ZNF207: variants seen among roughly 807,000 people sequenced by gnomAD.
ZNF207 encodes zinc finger protein 207, also known as BUB3-interacting and GLEBS motif-containing protein ZNF207.
Under a neutral mutation model 60.2 loss-of-function variants are expected in ZNF207, and 24 were observed. The observed-to-expected ratio is 0.40, with a 90% confidence interval of 0.29 to 0.56. ZNF207 has a LOEUF of 0.56. Among genes scored for constraint, ZNF207 ranks in the 20% least tolerant of loss-of-function variants. ZNF207 has a pLI of 0.49. For synonymous variants in ZNF207, 236 were observed against 194.7 expected, an observed-to-expected ratio of 1.21 and a Z score of -1.77; for missense variants, 452 against 636.6, an observed-to-expected ratio of 0.71 and a Z score of 3.12.
chr17:32,350,641 C>T (rs1016761777), intron 1 of ZNF207, among the ~76,000 whole-genome samples: 1 of 152,102 alleles, frequency 6.6e-6, no homozygotes, highest in Non-Finnish European at 1.5e-5. Context: ...CAGCCACCTT[C>T]CGTTGTTTTG....
Position 32,361,211 on chromosome 17 carries a change from G to A in ZNF207, c.551+244G>A, listed in dbSNP as rs541264367. ...CATCTACTTCAATTGCATTTACTGT[G>A]ATTAAAGTAGTTGGTTATTTATAGA... On this transcript the variant is annotated intron_variant, in intron 5 of 11. Coordinates refer to ENST00000394670, the MANE Select transcript of ZNF207 (RefSeq NM_001098507.2). 3.1e-3 allele frequency: 1,810 copies of A among 578,470 alleles called. 5 individuals carry two copies. Among genetic ancestry groups the A allele is most frequent in the Non-Finnish European group, 4.6e-3 (1,519 of 332,216 alleles). The allele number at this position is 578,470 out of a possible 1,614,324, so 35.8% of individuals were successfully genotyped here. A position where few individuals can be genotyped will look rare whatever the true frequency, so the allele number is the denominator to read the frequency against.
intron 10 of ZNF207, 33 bp from the exon 11 acceptor site, chr17:32,369,262 A>G (rs773156255): frequency 1.2e-6 from 2 of 1,600,572 alleles, no homozygotes; most frequent in Non-Finnish European, 1.7e-6. Flanking sequence ...TCTGCATTCG[A>G]GTATTTAGCC....
Position 32,367,916 on chromosome 17 carries a change from G to C in ZNF207, c.1066G>C (p.Ala356Pro). ...ASTTSTTNST[A>P]AKPAASITSK... is the part of the protein sequence containing the mutation. The stretch of plus-strand genomic sequence containing the variant: ...AACAACTAGTACAACAAATAGTACT[G>C]CAGCTAAACCAGCGGCTTCAATAAC... The change falls in exon 10 of 12, where the codon GCA becomes CCA. Residue 356 changes from alanine (A) to proline (P), a missense_variant. Physicochemically the swap from Ala to Pro is conservative, Grantham distance 27. Around this residue, in one of 2 missense-constraint regions of ZNF207, gnomAD observed 390 missense variants for 461.4 expected, o/e 0.85. Transcript: ENST00000394670. 6.2e-7 allele frequency: 1 copy of C among 1,614,132 alleles called. No individual in the cohort carries two copies. The highest frequency in any genetic ancestry group is 1.1e-5 in the South Asian group (1 of 91,078).
In ZNF207 at chr17:32,351,822, TATTC is replaced by T. The variant is rs1222410411; in HGVS notation, c.80_83del (p.Ile27SerfsTer23). 1 of 1,611,084 alleles carries T rather than the reference TATTC, an allele frequency of 6.2e-7. No individual in the cohort carries two copies. The highest frequency in any genetic ancestry group is 1.3e-5 in the African/African-American group (1 of 74,854). ...GAGATTTTGATGATGAGAAGATCCTTATTCAGCACCAAAAAGCAAAGCATTTTAA... is the reference window on the plus strand; with the variant it reads ...GAGATTTTGATGATGAGAAGATCCTTAGCACCAAAAAGCAAAGCATTTTAA... On this transcript the variant is annotated frameshift_variant, in exon 2 of 12. Coordinates refer to ENST00000394670, the MANE Select transcript of ZNF207 (RefSeq NM_001098507.2). LOFTEE classifies it high-confidence loss of function.
Position 32,360,748 on chromosome 17 carries a change from C to T in ZNF207, c.458C>T (p.Ala153Val), listed in dbSNP as rs1448347320. ...CCAGGACTGCCACCAGTACCAGGAG[C>T]ACCAGGAATGCCTCCAGGTAGCACA... ...AQPGLPPVPGAPGMPPGIPPL... is the reference protein window; with the variant it reads ...AQPGLPPVPGVPGMPPGIPPL... Residue 153 changes from alanine (A) to valine (V), a missense_variant, in exon 4 of 12, where the codon GCA (alanine) becomes GTA (valine). Transcript: ENST00000394670. The T allele has an allele frequency of 6.2e-7, 1 of 1,613,914 alleles. No homozygotes were observed. Among genetic ancestry groups the T allele is most frequent in the Non-Finnish European group, 8.5e-7 (1 of 1,179,966 alleles).
At position 32,378,883 on chromosome 17, in the gene ZNF207, A is replaced by G. The variant is rs1905776954; in HGVS notation, c.*9124A>G. On this transcript the variant is annotated 3_prime_UTR_variant, in exon 12 of 12. Coordinates refer to ENST00000394670, the MANE Select transcript of ZNF207 (RefSeq NM_001098507.2). Reference sequence around the variant, plus strand: ...CCATCCTAATCTGATAGTAGGATGTATGGCTTCTTCCTTTTCACCTTGTGT... The same window carrying G: ...CCATCCTAATCTGATAGTAGGATGTGTGGCTTCTTCCTTTTCACCTTGTGT... 6.6e-6 allele frequency: 1 copy of G among 152,210 alleles called. No homozygotes were observed. The highest frequency in any genetic ancestry group is 2.4e-5 in the African/African-American group (1 of 41,560). The allele number at this position is 152,210 out of a possible 1,614,324, so 9.4% of individuals were successfully genotyped here.
rs891455678 is a variant in ZNF207 at position 32,376,807 on chromosome 17, G to A, written c.*7048G>A. ...CAGAGGAGGTACATGTGAGTAAACT[G>A]TCTTAATGGTTGATTACTTGGAACC... On this transcript the variant is annotated 3_prime_UTR_variant, in exon 12 of 12. Coordinates refer to ENST00000394670, the MANE Select transcript of ZNF207 (RefSeq NM_001098507.2). 3 of 152,040 alleles carry A rather than the reference G, an allele frequency of 2.0e-5. No individual in the cohort carries two copies. The highest frequency in any genetic ancestry group is 1.9e-4 in the East Asian group (1 of 5,194). The allele number at this position is 152,040 out of a possible 1,614,324, so 9.4% of individuals were successfully genotyped here.
At chr17:32,352,371 CA>C (rs1050158921) in intron 2 of ZNF207, among the ~76,000 whole-genome samples, 1 of 150,664 alleles carries the variant, frequency 6.6e-6, no homozygotes, top group South Asian at 2.1e-4. Context: ...TTAAAAAAAA[CA>C]AAAAATTTGT....
chr17:32,369,611 GTCA>G lies in ZNF207; in HGVS notation c.1344_1346del (p.His448del). 2 of 1,567,478 alleles carry G rather than the reference GTCA, an allele frequency of 1.3e-6. No individual in the cohort carries two copies. The highest frequency in any genetic ancestry group is 1.2e-5 in the South Asian group (1 of 83,434). On this transcript the variant is annotated inframe_deletion, in exon 12 of 12. Transcript: ENST00000394670. The stretch of plus-strand genomic sequence containing the variant: ...TTCTTGATTTTAGGTCAGTATGGTG[GTCA>G]TCATCAAGGCATGCCAGGATACCTT...
In ZNF207 at chr17:32,381,587, C is replaced by G. The variant is rs1299971869; in HGVS notation, c.*11828C>G. 6.6e-6 allele frequency: 1 copy of G among 152,166 alleles called. No homozygotes were observed. Among genetic ancestry groups the G allele is most frequent in the Admixed American group, 6.5e-5 (1 of 15,282 alleles). 9.4% of individuals were successfully genotyped at this position (152,166 alleles called of 1,614,324 possible). A position where few individuals can be genotyped will look rare whatever the true frequency, so the allele number is the denominator to read the frequency against. On this transcript the variant is annotated 3_prime_UTR_variant, in exon 12 of 12. Transcript: ENST00000394670. ...GAGAGAGATCTGAGATGTTCCTTAA[C>G]ATGTAGCCATGTAATTAGAACTCAC... is the stretch of plus-strand genomic sequence containing the variant.
At position 32,365,311 on chromosome 17, in the gene ZNF207, A is replaced by T. The variant is rs1402807969; in HGVS notation, c.671-19A>T. The T allele has an allele frequency of 4.4e-6, 7 of 1,592,984 alleles. No individual in the cohort carries two copies. In the African/African-American group the frequency reaches 9.5e-5, roughly 22 times the overall value. On this transcript the variant is annotated intron_variant, in intron 7 of 11. Coordinates refer to ENST00000394670, the MANE Select transcript of ZNF207 (RefSeq NM_001098507.2). ...AATTTTTCAGTGACTCAATTTCCCC[A>T]AACATTTCTTCTCTGCAGGTATGCC... is the stretch of plus-strand genomic sequence containing the variant.
Position 32,374,109 on chromosome 17 carries a change from AG to A in ZNF207, c.*4352del, listed in dbSNP as rs1270376109. ...GGGATGGGGTTTTGCCGTGTTGGCC[AG>A]GCTGGTCTCAAACTCCTGACCTCAG... On this transcript the variant is annotated 3_prime_UTR_variant, in exon 12 of 12. Coordinates refer to ENST00000394670, the MANE Select transcript of ZNF207 (RefSeq NM_001098507.2). The A allele has an allele frequency of 1.3e-5, 2 of 151,780 alleles. No homozygotes were observed. The highest frequency in any genetic ancestry group is 4.9e-5 in the African/African-American group (2 of 41,206). 9.4% of individuals were successfully genotyped at this position (151,780 alleles called of 1,614,324 possible). A position where few individuals can be genotyped will look rare whatever the true frequency, so the allele number is the denominator to read the frequency against.
At chr17:32,359,271 C>T (rs569767492) in intron 3 of ZNF207, among the ~76,000 whole-genome samples, 45 of 151,984 alleles carry the variant, frequency 3.0e-4, no homozygotes, top group Non-Finnish European at 5.4e-4. Context: ...TGCCACCACA[C>T]CTGGCTAATT....
At position 32,373,710 on chromosome 17, in the gene ZNF207, G is replaced by C. The variant is rs774050547; in HGVS notation, c.*3951G>C. The C allele has an allele frequency of 3.1e-6, 1 of 320,702 alleles. No individual in the cohort carries two copies. The highest frequency in any genetic ancestry group is 5.6e-6 in the Non-Finnish European group (1 of 179,372). 19.9% of individuals were successfully genotyped at this position (320,702 alleles called of 1,614,324 possible). A position where few individuals can be genotyped will look rare whatever the true frequency, so the allele number is the denominator to read the frequency against. On this transcript the variant is annotated 3_prime_UTR_variant, in exon 12 of 12. Coordinates refer to ENST00000394670, the MANE Select transcript of ZNF207 (RefSeq NM_001098507.2). ...ATAATTAACAGCTTCAGTAAAGCTTGTGTTCCTATATTGAACTTCAATAAA... is the reference window on the plus strand; with the variant it reads ...ATAATTAACAGCTTCAGTAAAGCTTCTGTTCCTATATTGAACTTCAATAAA...
rs753304351 is a variant in ZNF207, at chr17:32,350,285, T to C, written c.-1T>C. ...TTTTACTTTGCCGGTAGAACACAGT[T>C]ATGGGTCGCAAGAAGAAGAAGCAGC... On this transcript the variant is annotated 5_prime_UTR_variant, in exon 1 of 12. Transcript: ENST00000394670. 1.2e-6 allele frequency: 2 copies of C among 1,614,094 alleles called. No individual in the cohort carries two copies. Among genetic ancestry groups the C allele is most frequent in the South Asian group, 2.2e-5 (2 of 91,084 alleles).
intron 7 of ZNF207, among the ~76,000 whole-genome samples, chr17:32,363,223 G>T (rs1172775094): frequency 6.6e-6 from 1 of 152,076 alleles, no homozygotes; most frequent in Admixed American, 6.5e-5. Context: ...GAGTAGCTGG[G>T]ATTACAGGCG....
At position 32,379,482 on chromosome 17, in the gene ZNF207, A is replaced by G. The variant is rs1266818170; in HGVS notation, c.*9723A>G. ...TGGTGAGATGGAATAAATGTTTAAAATTAGTATTTAAGAAAGTTCTTAAAC... is the reference window on the plus strand; with the variant it reads ...TGGTGAGATGGAATAAATGTTTAAAGTTAGTATTTAAGAAAGTTCTTAAAC... On this transcript the variant is annotated 3_prime_UTR_variant, in exon 12 of 12. Transcript: ENST00000394670. 1.3e-5 allele frequency: 2 copies of G among 152,166 alleles called. No individual in the cohort carries two copies. The highest frequency in any genetic ancestry group is 4.8e-5 in the African/African-American group (2 of 41,470). 9.4% of individuals were successfully genotyped at this position (152,166 alleles called of 1,614,324 possible).
intron 10 of ZNF207, chr17:32,368,361 T>A: frequency 4.3e-6 from 1 of 233,370 alleles, no homozygotes; most frequent in South Asian, 6.7e-5. Flanking sequence ...GCAGATCCCT[T>A]AAGTCCCATA....
intron 9 of ZNF207, among the ~76,000 whole-genome samples, chr17:32,367,282 T>TATATATATATAAA (rs1445385221): frequency 1.2e-5 from 1 of 82,862 alleles, no homozygotes; most frequent in Non-Finnish European, 2.2e-5. Flanking sequence ...TATATATATA[T>TATATATATATAAA]ATAAAGAATA....
Sources: gnomAD v4.1 joint callset for allele counts (sites outside exome capture counted in the v4.1 genomes callset) on GRCh38, gnomAD v4.1.1 for gene constraint, gnomAD v4.1.1 regional missense constraint, MANE v1.5 for transcripts, NCBI Gene and HGNC (gene_info 2026-07-23, HGNC 2026-07-21) for gene names.